FSTL4: variants seen among roughly 807,000 people sequenced by gnomAD.
The protein encoded by FSTL4 is follistatin like 4, also known as follistatin-related protein 4.
A neutral mutation model predicts 78.2 loss-of-function variants in FSTL4; 28 were observed. The observed-to-expected ratio is 0.36, with a 90% CI of 0.27 to 0.49. The LOEUF is 0.49. Among genes scored for constraint, FSTL4 ranks in the 20% least tolerant of loss-of-function variants. FSTL4 has a pLI of 0.98. For missense variants in FSTL4, 922 were observed against 1,084.9 expected (o/e 0.85, Z 2.11); for synonymous variants, 422 against 440.5 (o/e 0.96, Z 0.53).
intron 4 of FSTL4, among the ~76,000 whole-genome samples, chr5:133,349,165 C>G (rs892577337): frequency 2.0e-4 from 30 of 152,230 alleles, no homozygotes; most frequent in African/African-American, 7.2e-4. Flanking sequence ...GGATATGGAC[C>G]CCTGCCTATG....
At chr5:133,822,138 C>G in the FSTL4 span, among the ~76,000 whole-genome samples, 2 of 152,182 alleles carry the variant, frequency 1.3e-5, no homozygotes, top group Non-Finnish European at 2.9e-5. Flanking sequence ...CACTCCTCGC[C>G]CCCTGGACCC....
At chr5:133,239,975 CGGAGTCAGAAGTG>C (rs906926094) in intron 7 of FSTL4, among the ~76,000 whole-genome samples, 2 of 152,202 alleles carry the variant, frequency 1.3e-5, no homozygotes, top group African/African-American at 4.8e-5. Flanking sequence ...AGCAGACCTC[CGGAGTCAGAAGTG>C]GCAACACGCT....
chr5:133,472,475 A>G (rs1757845176), intron 3 of FSTL4, among the ~76,000 whole-genome samples: 1 of 152,202 alleles, frequency 6.6e-6, no homozygotes, highest in Non-Finnish European at 1.5e-5. Context: ...AAAAAACACA[A>G]CTGATGATAA....
chr5:133,355,891 A>T (rs1416969954), intron 4 of FSTL4, among the ~76,000 whole-genome samples: 1 of 152,116 alleles, frequency 6.6e-6, no homozygotes, highest in Admixed American at 6.5e-5. Context: ...CCCTGGTCCC[A>T]TGGGAAGATG....
chr5:133,285,396 A>G (rs961949362), intron 6 of FSTL4, among the ~76,000 whole-genome samples: 3 of 152,222 alleles, frequency 2.0e-5, no homozygotes, highest in Non-Finnish European at 4.4e-5. Flanking sequence ...GTCAGGTGCC[A>G]GCTGGCTGGG....
chr5:133,595,636 G>A (rs1002079622), intron 2 of FSTL4, among the ~76,000 whole-genome samples: 11 of 152,220 alleles, frequency 7.2e-5, no homozygotes, highest in African/African-American at 2.7e-4. Context: ...TGTGGCTCAG[G>A]AAGGGCGCAC....
the FSTL4 span, chr5:133,721,049 T>A: frequency 3.3e-5 from 5 of 152,210 alleles, no homozygotes; most frequent in African/African-American, 1.2e-4. Flanking sequence ...CTCCTCTCTG[T>A]GGTTTTAATT....
chr5:133,258,497 C>T (rs1752436710), intron 6 of FSTL4, among the ~76,000 whole-genome samples: 2 of 152,218 alleles, frequency 1.3e-5, no homozygotes, highest in African/African-American at 2.4e-5. Flanking sequence ...TGCTTTCAGA[C>T]TGAAACTGAA....
At chr5:133,639,820 T>G in the FSTL4 span, among the ~76,000 whole-genome samples, 5 of 152,182 alleles carry the variant, frequency 3.3e-5, no homozygotes, top group Non-Finnish European at 5.9e-5. Flanking sequence ...TGAGCTTGCA[T>G]GCAAGACAAA....
chr5:133,463,607 TC>T (rs1367472370), intron 3 of FSTL4, among the ~76,000 whole-genome samples: 1 of 152,244 alleles, frequency 6.6e-6, no homozygotes, highest in African/African-American at 2.4e-5. Flanking sequence ...CACACTCTCC[TC>T]CCTCATCTTT....
At chr5:133,316,085 A>T (rs1021061546) in intron 5 of FSTL4, among the ~76,000 whole-genome samples, 1 of 152,224 alleles carries the variant, frequency 6.6e-6, no homozygotes, top group East Asian at 1.9e-4. Flanking sequence ...AGGAGCAGTG[A>T]TGTCCTAAGG....
At chr5:133,684,231 G>C in the FSTL4 span, among the ~76,000 whole-genome samples, 1,813 of 152,274 alleles carry the variant, frequency 0.012, 34 homozygotes, top group African/African-American at 0.041. Flanking sequence ...AAGATAGCAG[G>C]CGGGGATGCT....
intron 4 of FSTL4, among the ~76,000 whole-genome samples, chr5:133,322,241 C>A (rs6878738): frequency 7.9e-4 from 94 of 119,598 alleles, no homozygotes; most frequent in African/African-American, 2.3e-3. Context: ...ACACACACAC[C>A]CCCACACCCA....
At chr5:133,228,893 T>C (rs764563148) in intron 8 of FSTL4, among the ~76,000 whole-genome samples, 23 of 152,150 alleles carry the variant, frequency 1.5e-4, no homozygotes, top group Non-Finnish European at 2.9e-4. Context: ...ATGTTGTCAA[T>C]GGAAGGCAAG....
intron 15 of FSTL4, among the ~76,000 whole-genome samples, chr5:133,201,306 T>C (rs1750311925): frequency 6.6e-6 from 1 of 152,180 alleles, no homozygotes; most frequent in Non-Finnish European, 1.5e-5. Flanking sequence ...AGGTCTGCAG[T>C]TGAGGCCATG....
At chr5:133,443,451 T>C (rs1370198170) in intron 3 of FSTL4, among the ~76,000 whole-genome samples, 1 of 152,274 alleles carries the variant, frequency 6.6e-6, no homozygotes, top group Non-Finnish European at 1.5e-5. Context: ...ACCCTTCTGC[T>C]AGGACATCTG....
At chr5:133,507,765 C>T (rs9327652) in intron 3 of FSTL4, among the ~76,000 whole-genome samples, 1,643 of 152,008 alleles carry the variant, frequency 0.011, 34 homozygotes, top group African/African-American at 0.037. Flanking sequence ...TCATGATCCG[C>T]CCTCCTCGGC....
the FSTL4 span, among the ~76,000 whole-genome samples, chr5:133,722,791 T>G: frequency 8.2e-4 from 125 of 152,320 alleles, no homozygotes; most frequent in Non-Finnish European, 6.6e-4. Context: ...GGGCTTTTGG[T>G]TGAGCAGGCT....
chr5:133,279,984 G>A (rs7720501), intron 6 of FSTL4, among the ~76,000 whole-genome samples: 1,911 of 152,328 alleles, frequency 0.013, 40 homozygotes, highest in African/African-American at 0.043. Context: ...AGGAATACCA[G>A]GAGCCACCAG....
Sources: gnomAD v4.1 joint callset for allele counts (sites outside exome capture counted in the v4.1 genomes callset) on GRCh38, gnomAD v4.1.1 for gene constraint, MANE v1.5 for transcripts, NCBI Gene and HGNC (gene_info 2026-07-23, HGNC 2026-07-21) for gene names.